The following TFCP2 variants were observed in gnomAD, a reference collection of about 807,000 sequenced individuals.
The protein encoded by TFCP2 is transcription factor CP2.
TFCP2 carries 33 observed loss-of-function variants against 73.4 expected under a neutral mutation model. The ratio of observed to expected loss-of-function variants is 0.45; its 90% CI spans 0.34 to 0.60. The LOEUF (loss-of-function observed/expected upper bound fraction) is 0.60, where lower values mean the gene tolerates loss of function less well. Among genes scored for constraint, TFCP2 ranks in the 20% least tolerant of loss-of-function variants. TFCP2 has a pLI of 0.01. For missense variants in TFCP2, 352 were observed against 604.0 expected, an observed-to-expected ratio of 0.58 and a Z score of 4.37; for synonymous variants, 193 against 211.6, an observed-to-expected ratio of 0.91 and a Z score of 0.76.
At chr12:51,133,904 A>G (rs1252927388) in intron 1 of TFCP2, among the ~76,000 whole-genome samples, 2 of 138,412 alleles carry the variant, frequency 1.4e-5, no homozygotes, top group Non-Finnish European at 3.1e-5. Flanking sequence ...CCTAGGCAAC[A>G]GGGCGAGACC....
Position 51,103,780 on chromosome 12 carries a change from G to T in TFCP2, c.967-17C>A. 1.3e-6 allele frequency: 2 copies of T among 1,597,374 alleles called. No homozygotes were observed. Among genetic ancestry groups the T allele is most frequent in the Non-Finnish European group, 1.7e-6 (2 of 1,167,766 alleles). On this transcript the variant is annotated splice_polypyrimidine_tract_variant and intron_variant, in intron 9 of 14. Transcript: ENST00000257915. ...TAAGAGGTTCTGAAAGGGAGAGCAC[G>T]TTTTTTAGATAACCAAATAGATTTG... is the stretch of plus-strand genomic sequence containing the variant.
intron 1 of TFCP2, among the ~76,000 whole-genome samples, chr12:51,161,477 G>A (rs573683776): frequency 4.9e-4 from 75 of 151,806 alleles, no homozygotes; most frequent in African/African-American, 1.6e-3. Context: ...TCAGGAGATC[G>A]AGACCATCCT....
At chr12:51,108,971 T>G (rs777057471) in intron 6 of TFCP2, 150 bp downstream of exon 6, 4 of 821,196 alleles carry the variant, frequency 4.9e-6, no homozygotes, top group African/African-American at 1.7e-5. Context: ...CCAGGCATCT[T>G]GGTAATTATT....
At position 51,159,040 on chromosome 12, in the gene TFCP2, G is replaced by T. The variant is rs937642110; in HGVS notation, c.122+13261C>A. Among the ~76,000 whole-genome samples the T allele has an allele frequency of 2.7e-5, 4 of 148,698 alleles. No homozygotes were observed. In the East Asian group the frequency reaches 6.3e-4, roughly 23 times the overall value. The stretch of plus-strand genomic sequence containing the variant: ...AAAAAAAAAAAAAAATTAGCCAGGC[G>T]TGGTGGTAGGCGCCTTTAATCACAG... On this transcript the variant is annotated intron_variant, in intron 1 of 14. Transcript: ENST00000257915.
At chr12:51,136,837 T>C (rs1360675976) in intron 1 of TFCP2, among the ~76,000 whole-genome samples, 2 of 152,080 alleles carry the variant, frequency 1.3e-5, no homozygotes, top group Non-Finnish European at 2.9e-5. Flanking sequence ...TCCCAGCTAG[T>C]TGAGAGGCTG....
chr12:51,116,435 C>G lies in TFCP2; in HGVS notation c.352-15G>C. On this transcript the variant is annotated splice_polypyrimidine_tract_variant and intron_variant, in intron 3 of 14. Coordinates refer to ENST00000257915, the MANE Select transcript of TFCP2 (RefSeq NM_005653.5). ...CGGAATATACTCTAAAAGGATACAA[C>G]AAAATCAGATGATAACAAGACCTCT... 3 of 1,460,998 alleles carry G rather than the reference C, an allele frequency of 2.1e-6. No homozygotes were observed. 90.5% of individuals were successfully genotyped at this position (1,460,998 alleles called of 1,614,324 possible). A position where few individuals can be genotyped will look rare whatever the true frequency, so the allele number is the denominator to read the frequency against.
intron 1 of TFCP2, among the ~76,000 whole-genome samples, chr12:51,146,905 T>G (rs945130884): frequency 6.6e-6 from 1 of 152,230 alleles, no homozygotes; most frequent in Non-Finnish European, 1.5e-5. Flanking sequence ...ATTCAGCACC[T>G]GCATATGGGA....
chr12:51,153,728 C>T (rs917562605), intron 1 of TFCP2, among the ~76,000 whole-genome samples: 63 of 152,296 alleles, frequency 4.1e-4, no homozygotes, highest in African/African-American at 1.5e-3. Context: ...ACATCAGAAT[C>T]TCCTTCCTTT....
chr12:51,096,017 T>A lies in TFCP2; in HGVS notation c.1443A>T (p.Glu481Asp), dbSNP rs752228965. Reference protein sequence around the residue: ...SDEMIQNFQEEACFILDTMKA... With the variant: ...SDEMIQNFQEDACFILDTMKA... ...TCATTGTGTCCAGAATAAAACATGCTTCTTCCTGAAAGTTCTGTATCATCT... is the reference window on the plus strand; with the variant it reads ...TCATTGTGTCCAGAATAAAACATGCATCTTCCTGAAAGTTCTGTATCATCT... The change falls in exon 14 of 15, where the codon GAA becomes GAT. Residue 481 changes from glutamate (E) to aspartate (D), a missense_variant. Glu to Asp is a conservative substitution (Grantham distance 45). Coordinates refer to ENST00000257915, the MANE Select transcript of TFCP2 (RefSeq NM_005653.5). 6.2e-7 allele frequency: 1 copy of A among 1,613,310 alleles called. No homozygotes were observed. The highest frequency in any genetic ancestry group is 8.5e-7 in the Non-Finnish European group (1 of 1,179,732).
Position 51,172,375 on chromosome 12 carries a change from G to T in TFCP2, c.48C>A (p.Ser16=). The T allele has an allele frequency of 6.2e-7, 1 of 1,614,094 alleles. No individual in the cohort carries two copies. Among genetic ancestry groups the T allele is most frequent in the Non-Finnish European group, 8.5e-7 (1 of 1,180,002 alleles). ...TAGCATCAAAGTCCTGCACCAACCCGGATTCAATCACTTCGTCGGCCAGAG... is the reference window on the plus strand; with the variant it reads ...TAGCATCAAAGTCCTGCACCAACCCTGATTCAATCACTTCGTCGGCCAGAG... ...KLPLADEVIE[S]GLVQDFDASL... is the part of the protein sequence containing the mutation. The change falls in exon 1 of 15, where the codon TCC becomes TCA. Residue 16 remains serine, a synonymous_variant. Transcript: ENST00000257915.
At position 51,109,744 on chromosome 12, in the gene TFCP2, G is replaced by A. The variant is rs1940349042; in HGVS notation, c.565-471C>T. Among the ~76,000 whole-genome samples the A allele has an allele frequency of 2.9e-5, 4 of 137,200 alleles. No individual in the cohort carries two copies. The South Asian group carries it at 9.1e-4, about 31-fold the overall frequency. 90.0% of individuals were successfully genotyped at this position (137,200 alleles called of 152,430 possible). On this transcript the variant is annotated intron_variant, in intron 5 of 14. Coordinates refer to ENST00000257915, the MANE Select transcript of TFCP2 (RefSeq NM_005653.5). ...TTTTTTTTTTTTTTTTTGAGACTAA[G>A]TTTTGCTCTTGTCACCCAGGCTGGA...
chr12:51,117,577 G>T, intron 3 of TFCP2, 94 bp downstream of exon 3: 2 of 962,942 alleles, frequency 2.1e-6, no homozygotes, highest in Non-Finnish European at 3.2e-6. Context: ...TTAAGCCATT[G>T]GAAGCAAAAG....
intron 1 of TFCP2, among the ~76,000 whole-genome samples, chr12:51,123,070 G>C (rs1213872683): frequency 6.6e-6 from 1 of 152,074 alleles, no homozygotes; most frequent in Non-Finnish European, 1.5e-5. Flanking sequence ...TTAATAAATA[G>C]CAACCATTCC....
At chr12:51,132,672 T>A (rs1373316504) in intron 1 of TFCP2, among the ~76,000 whole-genome samples, 4 of 151,762 alleles carry the variant, frequency 2.6e-5, no homozygotes, top group Non-Finnish European at 5.9e-5. Context: ...CCCGGCCGGG[T>A]CTAGTCTTTA....
Position 51,154,824 on chromosome 12 carries a change from G to C in TFCP2, c.122+17477C>G, listed in dbSNP as rs77830015. 5.7e-3 allele frequency among the ~76,000 whole-genome samples: 868 copies of C among 152,256 alleles called. 7 individuals are homozygous for C. Among genetic ancestry groups the C allele is most frequent in the African/African-American group, 0.019 (806 of 41,546 alleles). On this transcript the variant is annotated intron_variant, in intron 1 of 14. Transcript: ENST00000257915. ...CTCAGAAAGTGAAACCTAGGATAAGGGGGAACTACTAAACCCCCACAAGTA... is the reference window on the plus strand; with the variant it reads ...CTCAGAAAGTGAAACCTAGGATAAGCGGGAACTACTAAACCCCCACAAGTA...
At chr12:51,162,705 C>G (rs923581717) in intron 1 of TFCP2, among the ~76,000 whole-genome samples, 2 of 152,144 alleles carry the variant, frequency 1.3e-5, no homozygotes, top group African/African-American at 2.4e-5. Flanking sequence ...GGGTCTCACT[C>G]TGTCACCCAG....
chr12:51,172,580 T>G lies in TFCP2; in HGVS notation c.-158A>C. The G allele has an allele frequency of 1.1e-6, 1 of 901,786 alleles. No homozygotes were observed. Among genetic ancestry groups the G allele is most frequent in the South Asian group, 1.7e-5 (1 of 59,770 alleles). The allele number at this position is 901,786 out of a possible 1,614,324, so 55.9% of individuals were successfully genotyped here. ...CCCAAGCCCGACCAGCACTGCTCTG[T>G]GCACAACTAATCTCCCGTACCCTTG... On this transcript the variant is annotated 5_prime_UTR_variant, in exon 1 of 15. Coordinates refer to ENST00000257915, the MANE Select transcript of TFCP2 (RefSeq NM_005653.5).
chr12:51,157,681 C>CTTTTTTTTTTTTTTTTTTTTTTTTTT (rs770963610), intron 1 of TFCP2, among the ~76,000 whole-genome samples: 1 of 77,288 alleles, frequency 1.3e-5, no homozygotes, highest in Non-Finnish European at 2.5e-5. Context: ...TTTTTCTTTT[C>CTTTTTTTTTTTTTTTTTTTTTTTTTT]TTTTCTTTTT....
intron 4 of TFCP2, among the ~76,000 whole-genome samples, chr12:51,114,579 T>G (rs1940476058): frequency 6.6e-6 from 1 of 151,728 alleles, no homozygotes; most frequent in Admixed American, 6.6e-5. Context: ...CACTCCAGCC[T>G]GGGCGACAGA....
Sources: allele counts gnomAD v4.1 joint callset (sites outside exome capture counted in the v4.1 genomes callset), GRCh38; gene constraint gnomAD v4.1.1; transcripts MANE v1.5; gene names NCBI Gene and HGNC (gene_info 2026-07-23, HGNC 2026-07-21).